ACBD6: variants seen among roughly 807,000 people sequenced by gnomAD.
The protein encoded by ACBD6 is acyl-CoA-binding domain-containing protein 6.
A neutral mutation model predicts 37.2 loss-of-function variants in ACBD6; 28 were observed. The observed-to-expected ratio is 0.75, with a 90% CI of 0.56 to 1.03. The LOEUF is 1.03. Among genes scored for constraint, ACBD6 ranks in the 50% least tolerant of loss-of-function variants. ACBD6 has a pLI of 0.00. For missense variants in ACBD6, 340 were observed against 337.4 expected, an observed-to-expected ratio of 1.01 and a Z score of -0.06; for synonymous variants, 113 against 126.8, an observed-to-expected ratio of 0.89 and a Z score of 0.73.
Position 180,435,434 on chromosome 1 carries a change from T to C in ACBD6, c.385-5172A>G, listed in dbSNP as rs1355659639. ...TGGCTAATTTTTTTTTTTTTTTTTT[T>C]AGTAGAGACGGGGTTTCACCGTTAG... On this transcript the variant is annotated intron_variant, in intron 3 of 7. Transcript: ENST00000367595. 4.3e-4 allele frequency: 167 copies of C among 386,262 alleles called. 1 individual carries two copies. The Middle Eastern group carries it at 6.9e-3, about 16-fold the overall frequency. 23.9% of individuals were successfully genotyped at this position (386,262 alleles called of 1,614,324 possible).
intron 4 of ACBD6, among the ~76,000 whole-genome samples, chr1:180,425,928 A>G (rs1407086650): frequency 6.6e-6 from 1 of 152,230 alleles, no homozygotes; most frequent in Non-Finnish European, 1.5e-5. Flanking sequence ...ATTTATAATC[A>G]GGACTAGACA....
chr1:180,274,321 G>C, intron 10 of ACBD6: 1 of 1,614,218 alleles, frequency 6.2e-7, no homozygotes, highest in Non-Finnish European at 8.5e-7. Context: ...TGAGGGATGG[G>C]AGCCCCTATG....
chr1:180,306,806 G>A (rs1209609153), intron 7 of ACBD6, among the ~76,000 whole-genome samples: 1 of 151,956 alleles, frequency 6.6e-6, no homozygotes. Context: ...TCTCCTTCTG[G>A]AACTATTAAA....
chr1:180,405,277 T>C (rs1647565823), intron 5 of ACBD6, among the ~76,000 whole-genome samples: 1 of 13,166 alleles, frequency 7.6e-5, no homozygotes, highest in African/African-American at 1.1e-3. Context: ...ATGCAAATTG[T>C]ATTGTTAGGA....
intron 6 of ACBD6, among the ~76,000 whole-genome samples, chr1:180,340,913 A>G (rs1651962147): frequency 6.6e-6 from 1 of 152,142 alleles, no homozygotes; most frequent in Non-Finnish European, 1.5e-5. Context: ...GAGGATCGAG[A>G]TATCTAAATT....
rs1055154061 is a variant in ACBD6 at position 180,390,588 on chromosome 1, T to C, written c.663+6928A>G. Among the ~76,000 whole-genome samples the C allele has an allele frequency of 4.6e-5, 7 of 152,156 alleles. No homozygotes were observed. In the South Asian group the frequency reaches 8.3e-4, roughly 18 times the overall value. On this transcript the variant is annotated intron_variant, in intron 6 of 7. Transcript: ENST00000367595. ...GATGGCATTGAATCTATAAATTACC[T>C]TGGGCAGTATGGCCATTTTCACAAT...
At chr1:180,316,336 G>GCGCA (rs1553291614) in intron 6 of ACBD6, among the ~76,000 whole-genome samples, 5 of 149,282 alleles carry the variant, frequency 3.3e-5, no homozygotes, top group Non-Finnish European at 4.5e-5. Context: ...GCGTGAGTGC[G>GCGCA]CACACACACA....
chr1:180,482,148 A>C (rs1651076497), intron 3 of ACBD6, among the ~76,000 whole-genome samples: 1 of 152,194 alleles, frequency 6.6e-6, no homozygotes, highest in Non-Finnish European at 1.5e-5. Context: ...TTTAAATATA[A>C]ATTATAAAAA....
chr1:180,405,048 T>A (rs554653661), intron 5 of ACBD6, among the ~76,000 whole-genome samples: 1 of 152,332 alleles, frequency 6.6e-6, no homozygotes, highest in Admixed American at 6.5e-5. Flanking sequence ...TTCCTTCAAA[T>A]TAACATCTTA....
intron 2 of ACBD6, among the ~76,000 whole-genome samples, chr1:180,494,924 T>C (rs1482881525): frequency 6.6e-6 from 1 of 152,182 alleles, no homozygotes; most frequent in Non-Finnish European, 1.5e-5. Flanking sequence ...AAAGAGAAGT[T>C]AGTATCTGGT....
At chr1:180,435,459 GC>G (rs1648996841) in intron 3 of ACBD6, 6 of 482,458 alleles carry the variant, frequency 1.2e-5, no homozygotes, top group Non-Finnish European at 2.2e-5. Flanking sequence ...TTCACCGTTA[GC>G]CAGGATGGTC....
exon 10 of ACBD6, chr1:180,274,849 C>A: frequency 2.6e-6 from 1 of 385,654 alleles, no homozygotes; most frequent in Non-Finnish European, 4.7e-6. Context: ...GGGTCTCTCC[C>A]CTGCTGTTCT....
chr1:180,346,128 T>C (rs917582585), intron 6 of ACBD6, among the ~76,000 whole-genome samples: 5 of 152,124 alleles, frequency 3.3e-5, no homozygotes, highest in Non-Finnish European at 7.3e-5. Flanking sequence ...CTAGATCGGT[T>C]AGATCTAACA....
chr1:180,282,210 T>C (rs1649333303), intron 8 of ACBD6, among the ~76,000 whole-genome samples: 1 of 152,138 alleles, frequency 6.6e-6, no homozygotes, highest in South Asian at 2.1e-4. Context: ...CCTCTAGAGT[T>C]GTAGGAGAGG....
chr1:180,426,361 T>C (rs1648580414), intron 4 of ACBD6, among the ~76,000 whole-genome samples: 1 of 152,238 alleles, frequency 6.6e-6, no homozygotes, highest in Non-Finnish European at 1.5e-5. Flanking sequence ...TGCAAACTTC[T>C]AGATCAAACC....
At chr1:180,359,338 CT>C (rs1652755184) in intron 6 of ACBD6, among the ~76,000 whole-genome samples, 2 of 151,894 alleles carry the variant, frequency 1.3e-5, no homozygotes, top group Non-Finnish European at 2.9e-5. Context: ...ATTTATAATA[CT>C]GAGTGAGATG....
At chr1:180,477,072 G>A (rs1258787733) in intron 3 of ACBD6, among the ~76,000 whole-genome samples, 1 of 152,072 alleles carries the variant, frequency 6.6e-6, no homozygotes, top group Non-Finnish European at 1.5e-5. Context: ...AGACACTACA[G>A]AGCCCTATAT....
chr1:180,452,956 G>A (rs540864006), intron 3 of ACBD6, among the ~76,000 whole-genome samples: 38 of 152,222 alleles, frequency 2.5e-4, no homozygotes, highest in Middle Eastern at 3.4e-3. Flanking sequence ...AGAACCAGAC[G>A]GATTCACAGC....
intron 7 of ACBD6, among the ~76,000 whole-genome samples, chr1:180,291,748 TA>T (rs1210158357): frequency 6.6e-6 from 1 of 152,034 alleles, no homozygotes; most frequent in African/African-American, 2.4e-5. Flanking sequence ...GTGTTCCATC[TA>T]AAAAAAACTT....
Sources: gnomAD v4.1 joint callset for allele counts (sites outside exome capture counted in the v4.1 genomes callset) on GRCh38, gnomAD v4.1.1 for gene constraint, MANE v1.5 for transcripts, NCBI Gene and HGNC (gene_info 2026-07-23, HGNC 2026-07-21) for gene names.